ZBTB40: variants seen among roughly 807,000 people sequenced by gnomAD.
ZBTB40 encodes zinc finger and BTB domain-containing protein 40.
Under a neutral mutation model 117.5 loss-of-function variants are expected in ZBTB40, and 60 were observed. That is an observed-to-expected ratio of 0.51 (90% CI 0.41 to 0.63). The LOEUF (loss-of-function observed/expected upper bound fraction) is 0.63, where lower values mean the gene tolerates loss of function less well. Ranked by LOEUF, ZBTB40 falls within the 30% of genes least tolerant of loss-of-function variation. ZBTB40 has a pLI of 0.00. For missense variants in ZBTB40, 1,287 were observed against 1,498.5 expected, an observed-to-expected ratio of 0.86 and a Z score of 2.33; for synonymous variants, 525 against 577.1, an observed-to-expected ratio of 0.91 and a Z score of 1.29.
chr1:22,517,085 A>C (rs779855502), intron 12 of ZBTB40, among the ~76,000 whole-genome samples: 4 of 152,128 alleles, frequency 2.6e-5, no homozygotes, highest in Admixed American at 6.5e-5. Context: ...TCCTTTGTCC[A>C]ACCACACTCG....
chr1:22,491,295 A>T, intron 2 of ZBTB40, 105 bp from the exon 3 acceptor site: 1 of 1,106,254 alleles, frequency 9.0e-7, no homozygotes, highest in African/African-American at 1.5e-5. Flanking sequence ...GACAGAGATC[A>T]GTTAAGTGCA....
chr1:22,509,267 G>GT, intron 9 of ZBTB40, 34 bp downstream of exon 9: 1 of 1,613,792 alleles, frequency 6.2e-7, no homozygotes, highest in Non-Finnish European at 8.5e-7. Flanking sequence ...ATGCCAGAGA[G>GT]TTTTACAGTT....
chr1:22,508,100 T>G lies in ZBTB40; in HGVS notation c.1460T>G (p.Ile487Ser), dbSNP rs1639122730. The G allele has an allele frequency of 4.3e-6, 7 of 1,613,988 alleles. No individual in the cohort carries two copies. The highest frequency in any genetic ancestry group is 5.9e-6 in the Non-Finnish European group (7 of 1,180,026). Reference protein sequence around the residue: ...FTDNQILLKMISHMTSLAPGE... With the variant: ...FTDNQILLKMSSHMTSLAPGE... ...GACAACCAGATTTTATTAAAGATGA[T>G]CTCACACATGACAAGTTTAGCCCCT... The change falls in exon 7 of 18, where the codon ATC becomes AGC. Residue 487 changes from isoleucine (I) to serine (S), a missense_variant. By Grantham distance (142) the Ile-to-Ser change is moderately radical (BLOSUM62 -2). This residue lies in a region of ZBTB40 where 870 missense variants were observed against 934.4 expected (regional missense o/e 0.93). Coordinates refer to ENST00000375647, the MANE Select transcript of ZBTB40 (RefSeq NM_014870.4).
chr1:22,507,569 G>A (rs1256856057), intron 6 of ZBTB40, among the ~76,000 whole-genome samples: 2 of 152,060 alleles, frequency 1.3e-5, no homozygotes, highest in African/African-American at 2.4e-5. Flanking sequence ...CTAACAAATT[G>A]GCCCAAAGGG....
intron 1 of ZBTB40, among the ~76,000 whole-genome samples, chr1:22,429,157 C>T (rs1381889843): frequency 6.6e-6 from 1 of 151,988 alleles, no homozygotes; most frequent in Non-Finnish European, 1.5e-5. Context: ...CCGAGGCTGG[C>T]GGATCACAAG....
At chr1:22,462,246 C>T (rs1415092897) in intron 1 of ZBTB40, among the ~76,000 whole-genome samples, 1 of 152,160 alleles carries the variant, frequency 6.6e-6, no homozygotes, top group Non-Finnish European at 1.5e-5. Context: ...GTCAAAGTTT[C>T]GGCTCTAGAG....
intron 12 of ZBTB40, among the ~76,000 whole-genome samples, chr1:22,515,308 T>G (rs1369814610): frequency 2.0e-5 from 3 of 152,216 alleles, no homozygotes; most frequent in African/African-American, 7.2e-5. Flanking sequence ...GGCTGGACCT[T>G]GGAGGGTCTT....
chr1:22,494,514 A>G lies in ZBTB40; in HGVS notation c.831+2981A>G, dbSNP rs555583999. ...GCTGTGTTAGAACTTGAGAATCTACATATTTAACAGGCTCCCCCATGGGTT... is the reference window on the plus strand; with the variant it reads ...GCTGTGTTAGAACTTGAGAATCTACGTATTTAACAGGCTCCCCCATGGGTT... On this transcript the variant is annotated intron_variant, in intron 3 of 17. Transcript: ENST00000375647. Among the ~76,000 whole-genome samples, 4 of 152,308 alleles carry G rather than the reference A, an allele frequency of 2.6e-5. No homozygotes were observed. In the East Asian group the frequency reaches 5.8e-4, roughly 22 times the overall value.
chr1:22,469,312 C>G (rs1641342072), intron 1 of ZBTB40, among the ~76,000 whole-genome samples: 1 of 151,826 alleles, frequency 6.6e-6, no homozygotes, highest in Admixed American at 6.6e-5. Context: ...TAATGTATTA[C>G]TTCTTTTTTT....
intron 1 of ZBTB40, among the ~76,000 whole-genome samples, chr1:22,459,428 C>T (rs1641081804): frequency 6.6e-6 from 1 of 152,196 alleles, no homozygotes; most frequent in South Asian, 2.1e-4. Context: ...ATCCCAATGG[C>T]CAGTCAGTTG....
intron 15 of ZBTB40, 98 bp downstream of exon 15, chr1:22,521,756 T>G: frequency 1.3e-6 from 2 of 1,543,764 alleles, no homozygotes; most frequent in Non-Finnish European, 1.8e-6. Flanking sequence ...TCTAGTGTGA[T>G]GTGCAGTGGT....
At position 22,517,358 on chromosome 1, in the gene ZBTB40, C is replaced by G; in HGVS notation, c.2727C>G (p.Ser909=). 6.2e-7 allele frequency: 1 copy of G among 1,614,132 alleles called. No homozygotes were observed. The highest frequency in any genetic ancestry group is 8.5e-7 in the Non-Finnish European group (1 of 1,180,032). The change falls in exon 13 of 18, where the codon TCC becomes TCG. Residue 909 remains serine (S), a synonymous_variant. Coordinates refer to ENST00000375647, the MANE Select transcript of ZBTB40 (RefSeq NM_014870.4). ...DAVFAQSIEL[S]RHVRTHTGDK... Reference sequence around the variant, plus strand: ...TGTTTGCCCAGTCTATTGAGCTGTCCCGCCACGTGAGGACCCACACCGGGG... The same window carrying G: ...TGTTTGCCCAGTCTATTGAGCTGTCGCGCCACGTGAGGACCCACACCGGGG...
At chr1:22,454,327 T>G (rs1453490052) in intron 1 of ZBTB40, among the ~76,000 whole-genome samples, 2 of 152,192 alleles carry the variant, frequency 1.3e-5, no homozygotes, top group African/African-American at 4.8e-5. Flanking sequence ...GTGAGCAAGA[T>G]GGACCTGGGG....
chr1:22,433,090 A>T (rs1640618545), intron 1 of ZBTB40, among the ~76,000 whole-genome samples: 1 of 152,084 alleles, frequency 6.6e-6, no homozygotes. Context: ...CCAACACCAG[A>T]TCGAAAATGT....
At chr1:22,511,148 C>A in intron 9 of ZBTB40, 31 bp from the exon 10 acceptor site, 1 of 1,612,476 alleles carries the variant, frequency 6.2e-7, no homozygotes, top group Non-Finnish European at 8.5e-7. Context: ...TGAGATTAAC[C>A]CCACACCTTT....
chr1:22,435,667 A>G (rs1349791486), intron 1 of ZBTB40, among the ~76,000 whole-genome samples: 1 of 152,224 alleles, frequency 6.6e-6, no homozygotes, highest in Non-Finnish European at 1.5e-5. Context: ...TGAAGCAGAT[A>G]TACTGTGACA....
intron 1 of ZBTB40, among the ~76,000 whole-genome samples, chr1:22,444,057 C>A (rs1270277108): frequency 6.6e-6 from 1 of 152,074 alleles, no homozygotes; most frequent in Non-Finnish European, 1.5e-5. Flanking sequence ...GGGACTCCTC[C>A]GCCAGGAATG....
At chr1:22,498,731 C>G (rs1236145869) in intron 3 of ZBTB40, among the ~76,000 whole-genome samples, 1 of 150,722 alleles carries the variant, frequency 6.6e-6, no homozygotes, top group Non-Finnish European at 1.5e-5. Flanking sequence ...ATGATAATGC[C>G]AGACAAATTG....
chr1:22,440,523 G>C (rs1640718370), intron 1 of ZBTB40, among the ~76,000 whole-genome samples: 1 of 152,182 alleles, frequency 6.6e-6, no homozygotes, highest in African/African-American at 2.4e-5. Flanking sequence ...GAACAAAAGT[G>C]GTAAAAGTGG....
Sources: allele counts gnomAD v4.1 joint callset (sites outside exome capture counted in the v4.1 genomes callset), GRCh38; gene constraint gnomAD v4.1.1; regional missense constraint gnomAD v4.1.1; transcripts MANE v1.5; gene names NCBI Gene and HGNC (gene_info 2026-07-23, HGNC 2026-07-21).